The following PTPRT variants were observed in gnomAD, a reference collection of about 807,000 sequenced individuals.
PTPRT encodes the protein protein tyrosine phosphatase receptor type T.
Under a neutral mutation model 176.8 loss-of-function variants are expected in PTPRT, and 56 were observed. The observed-to-expected ratio is 0.32, with a 90% CI of 0.26 to 0.40. PTPRT has a LOEUF of 0.40. Ranked by LOEUF, PTPRT falls within the 10% of genes least tolerant of loss-of-function variation. The pLI, the probability that PTPRT is intolerant of heterozygous loss-of-function variation, is 1.00. For synonymous variants in PTPRT, 783 were observed against 739.0 expected (o/e 1.06, Z -0.96); for missense variants, 1,540 against 1,908.2 (o/e 0.81, Z 3.60).
Position 42,618,241 on chromosome 20 carries a change from T to C in PTPRT, c.1153+59625A>G, listed in dbSNP as rs533360080. ...AGCAGGTTGTTCAGTTTCCATGTCG[T>C]TGAGCGGCTTTGAGTGAGATTCTTA... is the stretch of plus-strand genomic sequence containing the variant. On this transcript the variant is annotated intron_variant, in intron 7 of 30. Transcript: ENST00000373187. Among the ~76,000 whole-genome samples, 13 of 127,974 alleles carry C rather than the reference T, an allele frequency of 1.0e-4. 2 individuals carry two copies. The South Asian group carries it at 3.1e-3, about 31-fold the overall frequency. The allele number at this position is 127,974 out of a possible 152,430, so 84.0% of individuals were successfully genotyped here.
chr20:42,037,421 C>T, the PTPRT span, among the ~76,000 whole-genome samples: 8 of 152,252 alleles, frequency 5.3e-5, no homozygotes, highest in Non-Finnish European at 1.2e-4. Flanking sequence ...ACACTTTCAC[C>T]TCCACCAAAA....
intron 1 of PTPRT, among the ~76,000 whole-genome samples, chr20:42,968,395 A>C (rs1307363360): frequency 6.6e-6 from 1 of 152,194 alleles, no homozygotes; most frequent in Non-Finnish European, 1.5e-5. Flanking sequence ...ACAGGGATCC[A>C]GTGGAGAGAG....
the PTPRT span, among the ~76,000 whole-genome samples, chr20:42,050,270 C>A: frequency 6.6e-6 from 1 of 152,024 alleles, no homozygotes; most frequent in Admixed American, 6.5e-5. Context: ...TTGTCTGAGG[C>A]GTTTGGTCTC....
At chr20:42,283,029 T>C (rs2057166471) in intron 12 of PTPRT, among the ~76,000 whole-genome samples, 1 of 152,180 alleles carries the variant, frequency 6.6e-6, no homozygotes, top group African/African-American at 2.4e-5. Flanking sequence ...AAAGTTCATG[T>C]TCAAAAGTTA....
intron 6 of PTPRT, among the ~76,000 whole-genome samples, chr20:42,695,483 A>C (rs1315362521): frequency 6.6e-6 from 1 of 152,190 alleles, no homozygotes; most frequent in African/African-American, 2.4e-5. Context: ...TTTTAGTGGT[A>C]TTTATTTTTT....
intron 7 of PTPRT, among the ~76,000 whole-genome samples, chr20:42,529,496 A>AT: frequency 6.6e-6 from 1 of 151,964 alleles, no homozygotes. Context: ...ATTTTATTTT[A>AT]TTTTTTTGGA....
intron 7 of PTPRT, among the ~76,000 whole-genome samples, chr20:42,482,300 C>T (rs1211681113): frequency 6.6e-6 from 1 of 152,156 alleles, no homozygotes; most frequent in African/African-American, 2.4e-5. Flanking sequence ...GAATCCCTGC[C>T]TTTCACCACA....
intron 21 of PTPRT, chr20:42,116,209 A>G: frequency 3.0e-6 from 2 of 662,900 alleles, no homozygotes; most frequent in Non-Finnish European, 5.5e-6. Flanking sequence ...CAGCTTTGCT[A>G]CAGGACTATT....
At chr20:42,889,864 G>A (rs1600524185) in intron 1 of PTPRT, among the ~76,000 whole-genome samples, 1 of 152,140 alleles carries the variant, frequency 6.6e-6, no homozygotes, top group Non-Finnish European at 1.5e-5. Flanking sequence ...GATTTTCCAC[G>A]TGTTCCTTTA....
chr20:43,083,324 A>G (rs568972187), intron 1 of PTPRT, among the ~76,000 whole-genome samples: 4,139 of 46,836 alleles, frequency 0.088, 473 homozygotes, highest in African/African-American at 0.34. Flanking sequence ...TCAAATGTAT[A>G]TATATATATA....
At chr20:42,669,383 T>G (rs1419770238) in intron 7 of PTPRT, among the ~76,000 whole-genome samples, 2 of 152,146 alleles carry the variant, frequency 1.3e-5, no homozygotes, top group Non-Finnish European at 2.9e-5. Flanking sequence ...CTCTATGGCT[T>G]TGATTCTGGG....
intron 14 of PTPRT, among the ~76,000 whole-genome samples, chr20:42,243,264 T>C (rs887732524): frequency 2.0e-5 from 3 of 152,130 alleles, no homozygotes; most frequent in African/African-American, 7.2e-5. Flanking sequence ...ACGAAATACC[T>C]GAGGGATTTT....
intron 1 of PTPRT, among the ~76,000 whole-genome samples, chr20:43,113,120 G>C (rs1323903926): frequency 6.6e-6 from 1 of 151,430 alleles, no homozygotes; most frequent in Non-Finnish European, 1.5e-5. Context: ...ACCTCCTGGG[G>C]TTTTGCATGT....
chr20:42,673,419 T>A lies in PTPRT; in HGVS notation c.1153+4447A>T, dbSNP rs539070998. Among the ~76,000 whole-genome samples the A allele has an allele frequency of 2.2e-4, 34 of 152,318 alleles. 1 individual carries two copies. The South Asian group carries it at 6.9e-3, about 31-fold the overall frequency. On this transcript the variant is annotated intron_variant, in intron 7 of 30. Coordinates refer to ENST00000373187, the MANE Select transcript of PTPRT (RefSeq NM_007050.6). Reference sequence around the variant, plus strand: ...CTGATTTATTACGTCGGGGGACAGGTCTGAGAATGTGCATTTCTAACAAGT... The same window carrying A: ...CTGATTTATTACGTCGGGGGACAGGACTGAGAATGTGCATTTCTAACAAGT...
intron 7 of PTPRT, among the ~76,000 whole-genome samples, chr20:42,614,520 G>T (rs866013636): frequency 6.6e-6 from 1 of 150,504 alleles, no homozygotes; most frequent in Non-Finnish European, 1.5e-5. Context: ...AGTGTCAGCC[G>T]AGCTAACACT....
intron 1 of PTPRT, among the ~76,000 whole-genome samples, chr20:43,106,209 C>T (rs544318340): frequency 5.9e-5 from 9 of 152,344 alleles, no homozygotes; most frequent in Admixed American, 6.5e-5. Flanking sequence ...CCCAAACCAC[C>T]TGCCCTCTCT....
chr20:42,258,463 G>A (rs907209424), intron 13 of PTPRT, among the ~76,000 whole-genome samples: 1 of 152,002 alleles, frequency 6.6e-6, no homozygotes, highest in Non-Finnish European at 1.5e-5. Context: ...TATAATCGCT[G>A]GGCTTTCTAT....
At chr20:42,858,152 C>T (rs1346714097) in intron 2 of PTPRT, among the ~76,000 whole-genome samples, 2 of 152,250 alleles carry the variant, frequency 1.3e-5, no homozygotes, top group South Asian at 4.2e-4. Context: ...TACTTTGGGG[C>T]AGACTGAGAT....
chr20:42,769,742 G>T (rs1357527065), intron 5 of PTPRT, among the ~76,000 whole-genome samples: 1 of 152,144 alleles, frequency 6.6e-6, no homozygotes, highest in Non-Finnish European at 1.5e-5. Flanking sequence ...CCATCAACAG[G>T]TAGATGGATA....
Sources: allele counts gnomAD v4.1 joint callset (sites outside exome capture counted in the v4.1 genomes callset), GRCh38; gene constraint gnomAD v4.1.1; transcripts MANE v1.5; gene names NCBI Gene and HGNC (gene_info 2026-07-23, HGNC 2026-07-21).